The following MINDY4 variants were observed in gnomAD, a reference collection of about 807,000 sequenced individuals.
MINDY4 encodes the protein probable ubiquitin carboxyl-terminal hydrolase MINDY-4.
Under a neutral mutation model 87.0 loss-of-function variants are expected in MINDY4, and 68 were observed. The ratio of observed to expected loss-of-function variants is 0.78; its 90% CI spans 0.64 to 0.96. The LOEUF (loss-of-function observed/expected upper bound fraction) is 0.96. Among genes scored for constraint, MINDY4 ranks in the 40% least tolerant of loss-of-function variants. The pLI is 0.00. For synonymous variants in MINDY4, 379 were observed against 363.2 expected (o/e 1.04, Z -0.50); for missense variants, 919 against 928.2 (o/e 0.99, Z 0.13).
At chr7:30,888,323 A>G (rs1379288929) in intron 17 of MINDY4, among the ~76,000 whole-genome samples, 2 of 152,192 alleles carry the variant, frequency 1.3e-5, no homozygotes, top group African/African-American at 4.8e-5. Context: ...GTCTGAGGAC[A>G]TTTTTAGTTG....
At chr7:30,852,005 T>G (rs1251789897) in intron 10 of MINDY4, among the ~76,000 whole-genome samples, 1 of 152,180 alleles carries the variant, frequency 6.6e-6, no homozygotes, top group African/African-American at 2.4e-5. Context: ...ATTTCTTTTT[T>G]TTTTCTTTTA....
chr7:30,798,674 A>G (rs919451115), intron 5 of MINDY4, among the ~76,000 whole-genome samples: 10 of 151,960 alleles, frequency 6.6e-5, no homozygotes, highest in Middle Eastern at 3.4e-3. Flanking sequence ...TTTTTTTTGC[A>G]TTTTTAGTAG....
intron 9 of MINDY4, among the ~76,000 whole-genome samples, chr7:30,842,270 G>A (rs73091479): frequency 0.019 from 2,847 of 152,182 alleles, 55 homozygotes; most frequent in South Asian, 0.089. Context: ...TCGATCCTTC[G>A]TGGCTCTTGT....
chr7:30,831,358 G>A (rs1243391212), intron 6 of MINDY4, among the ~76,000 whole-genome samples: 1 of 152,154 alleles, frequency 6.6e-6, no homozygotes, highest in Non-Finnish European at 1.5e-5. Context: ...GCAGCTGCTT[G>A]AATGAAGGGG....
chr7:30,799,559 G>C (rs1244251567), intron 5 of MINDY4, among the ~76,000 whole-genome samples: 1 of 152,194 alleles, frequency 6.6e-6, no homozygotes, highest in Non-Finnish European at 1.5e-5. Flanking sequence ...TTGTTGAATG[G>C]TTTCTCAGGT....
chr7:30,878,735 A>G (rs1790365674), intron 15 of MINDY4, among the ~76,000 whole-genome samples: 1 of 152,166 alleles, frequency 6.6e-6, no homozygotes, highest in South Asian at 2.1e-4. Context: ...CCCACAAAGG[A>G]AAACAGCTTG....
At chr7:30,796,198 AG>A (rs1352865143) in intron 5 of MINDY4, among the ~76,000 whole-genome samples, 1 of 152,010 alleles carries the variant, frequency 6.6e-6, no homozygotes, top group Non-Finnish European at 1.5e-5. Context: ...CACTCTCAAA[AG>A]ATTTTTTTGT....
intron 13 of MINDY4, among the ~76,000 whole-genome samples, chr7:30,866,445 TA>T (rs371189586): frequency 5.9e-5 from 9 of 151,884 alleles, no homozygotes; most frequent in African/African-American, 2.2e-4. Context: ...TCACCTGGGG[TA>T]GGTGTGGGTA....
At chr7:30,840,919 C>G (rs761745597) in intron 9 of MINDY4, 71 bp downstream of exon 9, 450 of 1,365,526 alleles carry the variant, frequency 3.3e-4, no homozygotes, top group Non-Finnish European at 4.4e-4. Flanking sequence ...AAAAAACAAG[C>G]AAGGAAGCAT....
chr7:30,840,804 A>T lies in MINDY4; in HGVS notation c.1401A>T (p.Leu467=), dbSNP rs956747738. Residue 467 remains leucine (L), a synonymous_variant, in exon 9 of 18, where the codon CTA becomes CTT. Transcript: ENST00000265299. ...GVLAAVQGCV[L]QKLLFEGDSK... ...TGGCAGCTGTCCAAGGCTGTGTCCT[A>T]CAGAAACTCCTGTTTGAAGGAGATA... is the stretch of plus-strand genomic sequence containing the variant. 6.2e-7 allele frequency: 1 copy of T among 1,614,038 alleles called. No individual in the cohort carries two copies. Among genetic ancestry groups the T allele is most frequent in the African/African-American group, 1.3e-5 (1 of 74,928 alleles).
intron 8 of MINDY4, among the ~76,000 whole-genome samples, 174 bp from the exon 9 acceptor site, chr7:30,840,586 T>C (rs1455315213): frequency 6.6e-6 from 1 of 152,218 alleles, no homozygotes; most frequent in Non-Finnish European, 1.5e-5. Flanking sequence ...TCACTCCCTC[T>C]CTGTGGCCCA....
Position 30,892,369 on chromosome 7 carries a change from TA to T in MINDY4, c.*369del, listed in dbSNP as rs1030307727. On this transcript the variant is annotated 3_prime_UTR_variant, in exon 18 of 18. Transcript: ENST00000265299. Reference sequence around the variant, plus strand: ...ATTACTTCTGGTAGCTGGCTTTCTATAAAAATGGGTCAAACCCATGTCAAGG... The same window carrying T: ...ATTACTTCTGGTAGCTGGCTTTCTATAAAATGGGTCAAACCCATGTCAAGG... The T allele has an allele frequency of 1.2e-5, 3 of 259,838 alleles. No homozygotes were observed. Among genetic ancestry groups the T allele is most frequent in the Non-Finnish European group, 2.2e-5 (3 of 135,180 alleles). 16.1% of individuals were successfully genotyped at this position (259,838 alleles called of 1,614,324 possible).
intron 8 of MINDY4, among the ~76,000 whole-genome samples, chr7:30,839,620 A>T (rs929806829): frequency 6.6e-6 from 1 of 152,142 alleles, no homozygotes; most frequent in Admixed American, 6.5e-5. Context: ...GGAGGCCTTC[A>T]GTCTGCTTGG....
chr7:30,778,569 T>C lies in MINDY4; in HGVS notation c.183+18T>C. 3.1e-6 allele frequency: 5 copies of C among 1,614,004 alleles called. No individual in the cohort carries two copies. The highest frequency in any genetic ancestry group is 4.2e-6 in the Non-Finnish European group (5 of 1,179,896). On this transcript the variant is annotated intron_variant, in intron 2 of 17. Coordinates refer to ENST00000265299, the MANE Select transcript of MINDY4 (RefSeq NM_032222.3). Reference sequence around the variant, plus strand: ...AGAACAAGGTATGTGCTTTCTAAGGTGTGGTGTGGAGTCTTGGAACTGAGT... The same window carrying C: ...AGAACAAGGTATGTGCTTTCTAAGGCGTGGTGTGGAGTCTTGGAACTGAGT...
In MINDY4 at chr7:30,785,816, A is replaced by T. The variant is rs1787145103; in HGVS notation, c.487A>T (p.Lys163Ter). 1 of 1,614,122 alleles carries T rather than the reference A, an allele frequency of 6.2e-7. No individual in the cohort carries two copies. The highest frequency in any genetic ancestry group is 1.1e-5 in the South Asian group (1 of 91,086). ...VSSKRPPHKSKPMQTVPGETP... is the reference protein window; with the variant it reads ...VSSKRPPHKS The stretch of plus-strand genomic sequence containing the variant: ...ATCTAAAAGGCCCCCGCACAAAAGT[A>T]AGCCCATGCAGACGGTCCCGGGTGA... The change falls in exon 4 of 18, where the codon AAG (lysine) becomes TAG (stop). Residue 163 changes from lysine to a stop codon, truncating the protein, a stop_gained. Transcript: ENST00000265299. LOFTEE classifies it high-confidence loss of function.
rs775041719 is a variant in MINDY4 at position 30,839,293 on chromosome 7, A to C, written c.1333A>C (p.Lys445Gln). The C allele has an allele frequency of 1.4e-5, 22 of 1,609,808 alleles. No individual in the cohort carries two copies. The East Asian group carries it at 4.9e-4, about 36-fold the overall frequency. ...TTCCTTTAGTAACACAGCCTCATTAAAATACGGCATAGTGCAGAACAAGGC... is the reference window on the plus strand; with the variant it reads ...TTCCTTTAGTAACACAGCCTCATTACAATACGGCATAGTGCAGAACAAGGC... ...SFSFSNTASL[K>Q]YGIVQNKGGP... Residue 445 changes from lysine to glutamine, a missense_variant, in exon 8 of 18, where the codon AAA becomes CAA. Physicochemically the swap from Lys to Gln is moderately conservative, Grantham distance 53. Transcript: ENST00000265299.
chr7:30,778,196 C>T (rs1736800378), intron 1 of MINDY4, among the ~76,000 whole-genome samples: 1 of 152,202 alleles, frequency 6.6e-6, no homozygotes, highest in Non-Finnish European at 1.5e-5. Flanking sequence ...GACTCCTGTG[C>T]GCGAGTCCTG....
intron 2 of MINDY4, among the ~76,000 whole-genome samples, chr7:30,779,079 G>C (rs1161740725): frequency 6.6e-6 from 1 of 152,164 alleles, no homozygotes; most frequent in Non-Finnish European, 1.5e-5. Flanking sequence ...TGGGCGGGAA[G>C]GGGGCTTCTC....
In MINDY4 at chr7:30,892,243, G is replaced by C; in HGVS notation, c.*238G>C. 1 of 524,830 alleles carries C rather than the reference G, an allele frequency of 1.9e-6. No individual in the cohort carries two copies. The highest frequency in any genetic ancestry group is 3.4e-6 in the Non-Finnish European group (1 of 295,174). 32.5% of individuals were successfully genotyped at this position (524,830 alleles called of 1,614,324 possible). A position where few individuals can be genotyped will look rare whatever the true frequency, so the allele number is the denominator to read the frequency against. ...AGCTGTGACTGCTGAGTACTGGAAG[G>C]AGGTTGCCAGGGTCTCTGCTACCTT... On this transcript the variant is annotated 3_prime_UTR_variant, in exon 18 of 18. Coordinates refer to ENST00000265299, the MANE Select transcript of MINDY4 (RefSeq NM_032222.3).
Sources: allele counts gnomAD v4.1 joint callset (sites outside exome capture counted in the v4.1 genomes callset), GRCh38; gene constraint gnomAD v4.1.1; transcripts MANE v1.5; gene names NCBI Gene and HGNC (gene_info 2026-07-23, HGNC 2026-07-21).